The following TMPRSS15 variants were observed in gnomAD, a reference collection of about 807,000 sequenced individuals.
TMPRSS15 encodes the protein enteropeptidase.
A neutral mutation model predicts 125.3 loss-of-function variants in TMPRSS15; 128 were observed. That is an observed-to-expected ratio of 1.02 (90% CI 0.89 to 1.18). TMPRSS15 has a LOEUF of 1.18. TMPRSS15 is among the 50% of genes most tolerant of loss of function. The pLI, the probability that TMPRSS15 is intolerant of heterozygous loss-of-function variation, is 0.00. For synonymous variants in TMPRSS15, 446 were observed against 423.2 expected, an observed-to-expected ratio of 1.05 and a Z score of -0.66; for missense variants, 1,283 against 1,212.7, an observed-to-expected ratio of 1.06 and a Z score of -0.86.
chr21:18,470,333 A>G (rs1978753522), intron 1 of TMPRSS15, among the ~76,000 whole-genome samples: 8 of 151,906 alleles, frequency 5.3e-5, no homozygotes, highest in Admixed American at 5.3e-4. Flanking sequence ...AAAAAAAAGT[A>G]TGCTTTTTAG....
chr21:18,463,811 A>G (rs1299368040), intron 1 of TMPRSS15, among the ~76,000 whole-genome samples: 1 of 152,134 alleles, frequency 6.6e-6, no homozygotes, highest in Non-Finnish European at 1.5e-5. Context: ...AAAACCACAC[A>G]ACTACATGAA....
At chr21:18,480,573 A>G (rs983761860) in intron 1 of TMPRSS15, among the ~76,000 whole-genome samples, 24 of 151,844 alleles carry the variant, frequency 1.6e-4, no homozygotes, top group Admixed American at 1.1e-3. Flanking sequence ...GACATTCTAA[A>G]TGGATGGACT....
Position 18,278,947 on chromosome 21 carries a change from T to TTTTG in TMPRSS15, c.2764+16_2764+17insCAAA. 3 of 884,074 alleles carry TTTTG rather than the reference T, an allele frequency of 3.4e-6. No individual in the cohort carries two copies. Among genetic ancestry groups the TTTTG allele is most frequent in the African/African-American group, 2.3e-5 (1 of 43,966 alleles). The allele number at this position is 884,074 out of a possible 1,614,324, so 54.8% of individuals were successfully genotyped here. The stretch of plus-strand genomic sequence containing the variant: ...AGGTTTTTTTTTTTTTTTTTTTTTT[T>TTTTG]GAGTCTGATAATTTACCTTGATATA... On this transcript the variant is annotated intron_variant, in intron 23 of 24. Coordinates refer to ENST00000284885, the MANE Select transcript of TMPRSS15 (RefSeq NM_002772.3).
At chr21:18,430,339 A>G (rs1204607943) in intron 1 of TMPRSS15, among the ~76,000 whole-genome samples, 1 of 152,168 alleles carries the variant, frequency 6.6e-6, no homozygotes, top group Non-Finnish European at 1.5e-5. Flanking sequence ...TGGTCCCATA[A>G]AAAAGAAACT....
At chr21:18,282,165 T>C (rs915259741) in intron 21 of TMPRSS15, among the ~76,000 whole-genome samples, 3 of 133,492 alleles carry the variant, frequency 2.2e-5, no homozygotes, top group Non-Finnish European at 4.8e-5. Flanking sequence ...TAATCTAACA[T>C]ATAAACTTGA....
intron 1 of TMPRSS15, among the ~76,000 whole-genome samples, chr21:18,414,991 GT>G (rs2076176347): frequency 6.6e-6 from 1 of 151,642 alleles, no homozygotes; most frequent in Non-Finnish European, 1.5e-5. Context: ...CTGTATAAGT[GT>G]TTCAATTTTT....
chr21:18,414,582 C>A (rs1286410290), intron 1 of TMPRSS15, among the ~76,000 whole-genome samples: 1 of 152,108 alleles, frequency 6.6e-6, no homozygotes, highest in African/African-American at 2.4e-5. Flanking sequence ...TTGTAGATAC[C>A]TCATATAATT....
chr21:18,402,461 G>A (rs572419541), intron 1 of TMPRSS15, among the ~76,000 whole-genome samples: 1 of 149,998 alleles, frequency 6.7e-6, no homozygotes, highest in South Asian at 2.1e-4. Context: ...CCCAGGAGGT[G>A]GAGGTTGCAG....
At chr21:18,348,284 C>T (rs2824757) in intron 10 of TMPRSS15, among the ~76,000 whole-genome samples, 19,133 of 152,136 alleles carry the variant, frequency 0.13, 1,278 homozygotes, top group Middle Eastern at 0.26. Flanking sequence ...AACTCCTTTC[C>T]ATCACTTTTT....
intron 1 of TMPRSS15, chr21:18,460,450 AT>A (rs1297575822): frequency 1.3e-5 from 2 of 152,110 alleles, no homozygotes; most frequent in Admixed American, 1.3e-4. Context: ...TACCCTTAAT[AT>A]TTTACCTAAG....
At chr21:18,327,304 T>C (rs1427636434) in intron 15 of TMPRSS15, among the ~76,000 whole-genome samples, 2 of 152,204 alleles carry the variant, frequency 1.3e-5, no homozygotes, top group African/African-American at 4.8e-5. Context: ...ATTTTTTAGA[T>C]GATGAGAACT....
chr21:18,294,374 C>T lies in TMPRSS15; in HGVS notation c.2382G>A (p.Gly794=), dbSNP rs370598030. The T allele has an allele frequency of 2.0e-5, 33 of 1,614,112 alleles. No homozygotes were observed. Among genetic ancestry groups the T allele is most frequent in the Non-Finnish European group, 2.6e-5 (31 of 1,180,048 alleles). Residue 794 remains glycine (G), a synonymous_variant, in exon 21 of 25, where the codon GGG becomes GGA. Coordinates refer to ENST00000284885, the MANE Select transcript of TMPRSS15 (RefSeq NM_002772.3). ...ACAGACCCACAACCCAGGGCCAGGCCCCTTCTTTGGCATTACTTCCTCCAA... is the reference window on the plus strand; with the variant it reads ...ACAGACCCACAACCCAGGGCCAGGCTCCTTCTTTGGCATTACTTCCTCCAA... ...KIVGGSNAKE[G]AWPWVVGLYY... is the part of the protein sequence containing the mutation.
At chr21:18,280,593 A>AAAC (rs1436421921) in intron 22 of TMPRSS15, among the ~76,000 whole-genome samples, 261 of 143,234 alleles carry the variant, frequency 1.8e-3, no homozygotes, top group African/African-American at 6.8e-3. Flanking sequence ...AAAAAAAAAA[A>AAAC]AACAACAAAA....
At chr21:18,423,589 T>G (rs1196296089) in intron 1 of TMPRSS15, among the ~76,000 whole-genome samples, 1 of 151,432 alleles carries the variant, frequency 6.6e-6, no homozygotes, top group Non-Finnish European at 1.5e-5. Context: ...TTTGTATTTT[T>G]TTTTTTTTTA....
At chr21:18,398,629 C>G (rs2076064629) in intron 1 of TMPRSS15, among the ~76,000 whole-genome samples, 1 of 151,998 alleles carries the variant, frequency 6.6e-6, no homozygotes, top group Non-Finnish European at 1.5e-5. Context: ...TATTGAGATT[C>G]CTGTTGGAAG....
chr21:18,315,969 C>T (rs890444881), intron 16 of TMPRSS15, among the ~76,000 whole-genome samples: 1 of 149,872 alleles, frequency 6.7e-6, no homozygotes, highest in African/African-American at 2.5e-5. Flanking sequence ...CATGTATACA[C>T]ATGTAACAAA....
Position 18,341,480 on chromosome 21 carries a change from A to G in TMPRSS15, c.1497T>C (p.Tyr499=), listed in dbSNP as rs754631821. 3.1e-6 allele frequency: 5 copies of G among 1,614,178 alleles called. No homozygotes were observed. Among genetic ancestry groups the G allele is most frequent in the Non-Finnish European group, 4.2e-6 (5 of 1,180,018 alleles). ...GATAAAGACTCCCATTGCAAATCCC[A>G]TATGTTAGGCTAATGTCATCCAACG... ...DIALDDISLT[Y]GICNGSLYPE... Residue 499 remains tyrosine (Y), a synonymous_variant, in exon 13 of 25, where the codon TAT becomes TAC. Transcript: ENST00000284885.
Position 18,372,302 on chromosome 21 carries a change from C to A in TMPRSS15, c.555G>T (p.Leu185=). The change falls in exon 6 of 25, where the codon CTG becomes CTT. Residue 185 remains leucine (L), a synonymous_variant. Coordinates refer to ENST00000284885, the MANE Select transcript of TMPRSS15 (RefSeq NM_002772.3). ...CATCAGTACAAGGACTTGAACCAGG[C>A]AGGCACTCTATTGAGACATTTCCTT... ...ATPGNVSIEC[L]PGSSPCTDAL... 6.2e-7 allele frequency: 1 copy of A among 1,613,152 alleles called. No individual in the cohort carries two copies. Among genetic ancestry groups the A allele is most frequent in the Non-Finnish European group, 8.5e-7 (1 of 1,179,376 alleles).
chr21:18,484,396 G>A (rs982719498), intron 1 of TMPRSS15, among the ~76,000 whole-genome samples: 1 of 151,680 alleles, frequency 6.6e-6, no homozygotes, highest in Non-Finnish European at 1.5e-5. Flanking sequence ...TTTTTGCTAG[G>A]GTATTTGTTT....
Sources: gnomAD v4.1 joint callset for allele counts (sites outside exome capture counted in the v4.1 genomes callset) on GRCh38, gnomAD v4.1.1 for gene constraint, MANE v1.5 for transcripts, NCBI Gene and HGNC (gene_info 2026-07-23, HGNC 2026-07-21) for gene names.